CSMD1: variants seen among roughly 807,000 people sequenced by gnomAD.
The protein encoded by CSMD1 is CUB and sushi domain-containing protein 1.
A neutral mutation model predicts 417.5 loss-of-function variants in CSMD1; 213 were observed. The ratio of observed to expected loss-of-function variants is 0.51; its 90% CI spans 0.46 to 0.57. The LOEUF (loss-of-function observed/expected upper bound fraction) is 0.57, where lower values mean the gene tolerates loss of function less well. Among genes scored for constraint, CSMD1 ranks in the 20% least tolerant of loss-of-function variants. The probability of loss-of-function intolerance (pLI) is 0.00; values close to 1 mark genes in which losing one functional copy is unlikely to be tolerated. For missense variants in CSMD1, 6,923 were observed against 4,529.7 expected (o/e 1.53, Z -15.17); for synonymous variants, 2,862 against 1,736.8 (o/e 1.65, Z -16.11).
intron 1 of CSMD1, among the ~76,000 whole-genome samples, chr8:4,836,188 T>A (rs1157739619): frequency 6.6e-6 from 1 of 152,246 alleles, no homozygotes; most frequent in Non-Finnish European, 1.5e-5. Context: ...TAATTGTGAA[T>A]TGATTCAGGC....
chr8:3,237,383 G>A (rs1799214814), intron 26 of CSMD1, among the ~76,000 whole-genome samples: 1 of 151,606 alleles, frequency 6.6e-6, no homozygotes, highest in Admixed American at 6.6e-5. Context: ...AGGAGACTCA[G>A]GAGGTGGAGG....
intron 26 of CSMD1, among the ~76,000 whole-genome samples, chr8:3,261,848 C>G (rs7821770): frequency 0.64 from 96,904 of 151,830 alleles, 31,075 homozygotes; most frequent in Admixed American, 0.69. Flanking sequence ...ATTACGAAGG[C>G]ATGCGGGCCG....
In CSMD1 at chr8:4,548,163, G is replaced by C. The variant is rs561785364; in HGVS notation, c.302+89179C>G. 2.6e-5 allele frequency among the ~76,000 whole-genome samples: 4 copies of C among 152,254 alleles called. No homozygotes were observed. In the South Asian group the frequency reaches 8.3e-4, roughly 32 times the overall value. The stretch of plus-strand genomic sequence containing the variant: ...ATGGTACCGAATGTCTAGGATTGGA[G>C]ACTCCTACAAGAGCTTATGTTGGGC... On this transcript the variant is annotated intron_variant, in intron 2 of 69. Coordinates refer to ENST00000635120, the MANE Select transcript of CSMD1 (RefSeq NM_033225.6).
At chr8:3,446,176 A>G (rs1410463987) in intron 12 of CSMD1, among the ~76,000 whole-genome samples, 1 of 152,154 alleles carries the variant, frequency 6.6e-6, no homozygotes, top group East Asian at 1.9e-4. Flanking sequence ...GAGAAAAAGA[A>G]AAGAGGATGA....
At chr8:4,223,537 C>G (rs955455917) in intron 3 of CSMD1, among the ~76,000 whole-genome samples, 2 of 152,226 alleles carry the variant, frequency 1.3e-5, no homozygotes. Context: ...TCGTTAATAA[C>G]CACCAGGAGA....
intron 30 of CSMD1, among the ~76,000 whole-genome samples, chr8:3,209,478 G>A (rs564860723): frequency 2.0e-5 from 3 of 151,798 alleles, no homozygotes; most frequent in Non-Finnish European, 4.4e-5. Context: ...CACCATGCCC[G>A]GCTAATTTTT....
intron 3 of CSMD1, among the ~76,000 whole-genome samples, chr8:4,114,163 A>C (rs769720059): frequency 2.0e-5 from 3 of 152,180 alleles, no homozygotes; most frequent in African/African-American, 7.2e-5. Flanking sequence ...AAAAACTTCA[A>C]AGGACAGCCT....
chr8:3,596,460 G>C (rs1184047822), intron 8 of CSMD1, among the ~76,000 whole-genome samples: 4 of 152,208 alleles, frequency 2.6e-5, no homozygotes, highest in African/African-American at 7.2e-5. Flanking sequence ...GAGAGACTCA[G>C]AGGGCCCTCT....
intron 10 of CSMD1, among the ~76,000 whole-genome samples, chr8:3,511,295 G>C (rs1311332379): frequency 6.6e-6 from 1 of 151,580 alleles, no homozygotes; most frequent in Non-Finnish European, 1.5e-5. Flanking sequence ...CAGGTTGATG[G>C]ATACAGCAAA....
intron 3 of CSMD1, among the ~76,000 whole-genome samples, chr8:4,357,064 G>T (rs896929994): frequency 1.3e-5 from 2 of 152,150 alleles, no homozygotes; most frequent in African/African-American, 4.8e-5. Context: ...TATCTTTACT[G>T]AAGGAAGAAT....
intron 3 of CSMD1, among the ~76,000 whole-genome samples, chr8:4,093,752 G>C (rs1034644071): frequency 1.1e-4 from 16 of 152,118 alleles, no homozygotes; most frequent in African/African-American, 3.4e-4. Context: ...ACTGAGGTCA[G>C]GAGTTCAAGA....
At chr8:3,690,178 G>T (rs1393207840) in intron 7 of CSMD1, among the ~76,000 whole-genome samples, 1 of 152,166 alleles carries the variant, frequency 6.6e-6, no homozygotes, top group Non-Finnish European at 1.5e-5. Context: ...GGGCAACAGG[G>T]CAAGGCCCTG....
intron 3 of CSMD1, among the ~76,000 whole-genome samples, chr8:4,270,766 C>T (rs137941531): frequency 1.3e-5 from 2 of 152,300 alleles, no homozygotes; most frequent in East Asian, 1.9e-4. Flanking sequence ...ATCACCTGCA[C>T]GGCACCCCCC....
chr8:4,296,840 G>T (rs1015172570), intron 3 of CSMD1, among the ~76,000 whole-genome samples: 1 of 151,956 alleles, frequency 6.6e-6, no homozygotes, highest in East Asian at 1.9e-4. Flanking sequence ...TCTGTGGAGG[G>T]CCTGCTATCT....
intron 3 of CSMD1, among the ~76,000 whole-genome samples, chr8:4,075,870 T>A (rs1210414787): frequency 6.6e-6 from 1 of 152,198 alleles, no homozygotes; most frequent in African/African-American, 2.4e-5. Context: ...AGTTCATATC[T>A]GTTCTAGCCC....
chr8:3,187,789 G>C (rs1011636550), intron 36 of CSMD1, 80 bp downstream of exon 36: 2 of 994,158 alleles, frequency 2.0e-6, no homozygotes, highest in Admixed American at 2.0e-5. Context: ...TCTATGTGGA[G>C]TGTTTGCTGT....
chr8:3,635,155 G>T (rs907138460), intron 7 of CSMD1, among the ~76,000 whole-genome samples: 1 of 152,100 alleles, frequency 6.6e-6, no homozygotes, highest in African/African-American at 2.4e-5. Context: ...TGCGTGTGAA[G>T]GCCAAGGACA....
At chr8:3,947,585 T>G (rs1236022419) in intron 5 of CSMD1, among the ~76,000 whole-genome samples, 1 of 152,204 alleles carries the variant, frequency 6.6e-6, no homozygotes, top group Non-Finnish European at 1.5e-5. Context: ...AACCATGGGT[T>G]ATATAGAAGT....
chr8:3,343,542 A>C, intron 22 of CSMD1, 92 bp from the exon 23 acceptor site: 1 of 1,104,662 alleles, frequency 9.1e-7, no homozygotes, highest in Non-Finnish European at 1.3e-6. Flanking sequence ...TCAAAGATGC[A>C]GTTTTAAACA....
Sources: gnomAD v4.1 joint callset for allele counts (sites outside exome capture counted in the v4.1 genomes callset) on GRCh38, gnomAD v4.1.1 for gene constraint, MANE v1.5 for transcripts, NCBI Gene and HGNC (gene_info 2026-07-23, HGNC 2026-07-21) for gene names.